Variants in PHLPP1 observed in about 807,000 individuals in gnomAD.
PHLPP1 encodes the protein PH domain and leucine rich repeat protein phosphatase 1, also known as PH domain leucine-rich repeat-containing protein phosphatase 1.
PHLPP1 carries 42 observed loss-of-function variants against 117.2 expected under a neutral mutation model. The observed-to-expected ratio is 0.36, with a 90% CI of 0.28 to 0.46. The LOEUF (loss-of-function observed/expected upper bound fraction) is 0.46. Among genes scored for constraint, PHLPP1 ranks in the 20% least tolerant of loss-of-function variants. The pLI, the probability that PHLPP1 is intolerant of heterozygous loss-of-function variation, is 1.00. For synonymous variants in PHLPP1, 1,042 were observed against 970.7 expected (o/e 1.07, Z -1.37); for missense variants, 2,084 against 2,241.9 (o/e 0.93, Z 1.42).
intron 6 of PHLPP1, among the ~76,000 whole-genome samples, chr18:62,901,769 G>A (rs761397567): frequency 7.3e-5 from 11 of 151,722 alleles, no homozygotes; most frequent in African/African-American, 1.5e-4. Flanking sequence ...GATTACAGGC[G>A]TGTGCCACCA....
At chr18:62,753,015 CT>C (rs1911906942) in intron 1 of PHLPP1, among the ~76,000 whole-genome samples, 1 of 152,132 alleles carries the variant, frequency 6.6e-6, no homozygotes, top group African/African-American at 2.4e-5. Flanking sequence ...AGAAAAATAG[CT>C]GTTTAAGGGT....
chr18:62,904,055 A>G (rs901075220), intron 7 of PHLPP1, among the ~76,000 whole-genome samples: 1 of 152,240 alleles, frequency 6.6e-6, no homozygotes, highest in African/African-American at 2.4e-5. Flanking sequence ...AGTGCAGCTC[A>G]TGAGCTCTGA....
At position 62,818,910 on chromosome 18, in the gene PHLPP1, A is replaced by G. The variant is rs543781742; in HGVS notation, c.1577-11125A>G. Among the ~76,000 whole-genome samples, 49 of 152,360 alleles carry G rather than the reference A, an allele frequency of 3.2e-4. No individual in the cohort carries two copies. The South Asian group carries it at 7.2e-3, about 23-fold the overall frequency. On this transcript the variant is annotated intron_variant, in intron 1 of 16. Coordinates refer to ENST00000262719, the MANE Select transcript of PHLPP1 (RefSeq NM_194449.4). ...AATACAGCCACAGTGGTGGTTTTCA[A>G]GCTACCAACATGATGTCACTAAATG... is the stretch of plus-strand genomic sequence containing the variant.
chr18:62,881,279 A>G (rs994613620), intron 4 of PHLPP1, among the ~76,000 whole-genome samples: 5 of 152,148 alleles, frequency 3.3e-5, no homozygotes, highest in Non-Finnish European at 7.3e-5. Context: ...TTTTAATTAA[A>G]GAATTTTTCT....
intron 7 of PHLPP1, 109 bp downstream of exon 7, chr18:62,903,275 T>G: frequency 4.0e-6 from 3 of 751,532 alleles, no homozygotes; most frequent in Non-Finnish European, 6.4e-6. Context: ...GTAAAATAGC[T>G]CAAATTTTGC....
intron 8 of PHLPP1, among the ~76,000 whole-genome samples, chr18:62,913,050 A>G (rs973260109): frequency 1.3e-5 from 2 of 152,158 alleles, no homozygotes; most frequent in Non-Finnish European, 1.5e-5. Context: ...TTGTCTCTGA[A>G]TTCTGCCTCT....
Position 62,715,767 on chromosome 18 carries a change from T to TGCGGCAGCA in PHLPP1, c.87_95dup (p.Ala38_Ala40dup), listed in dbSNP as rs1391076049. On this transcript the variant is annotated inframe_insertion, in exon 1 of 17. Transcript: ENST00000262719. ...GAGCTTCGGCTCCGGCGGCCGCCGC[T>TGCGGCAGCA]GCGGCAGCAGCAGCAGCAGCGGCGG... 1.4e-6 allele frequency: 1 copy of TGCGGCAGCA among 703,590 alleles called. No individual in the cohort carries two copies. The highest frequency in any genetic ancestry group is 1.8e-6 in the Non-Finnish European group (1 of 568,588). The allele number at this position is 703,590 out of a possible 1,614,324, so 43.6% of individuals were successfully genotyped here. A position where few individuals can be genotyped will look rare whatever the true frequency, so the allele number is the denominator to read the frequency against.
chr18:62,780,395 G>A (rs528360014), intron 1 of PHLPP1, among the ~76,000 whole-genome samples: 3 of 152,246 alleles, frequency 2.0e-5, no homozygotes, highest in South Asian at 4.1e-4. Context: ...ACAGTTTGAA[G>A]GTTCTCAACC....
intron 13 of PHLPP1, among the ~76,000 whole-genome samples, chr18:62,959,720 G>A (rs1041663802): frequency 6.6e-6 from 1 of 152,138 alleles, no homozygotes; most frequent in Non-Finnish European, 1.5e-5. Context: ...TAGAATTTTG[G>A]TGACTGGTCC....
chr18:62,770,151 C>T lies in PHLPP1; in HGVS notation c.1576+52892C>T, dbSNP rs182551843. Among the ~76,000 whole-genome samples, 1,110 of 152,192 alleles carry T rather than the reference C, an allele frequency of 7.3e-3. 10 individuals carry two copies. Among genetic ancestry groups the T allele is most frequent in the Non-Finnish European group, 0.012 (822 of 68,004 alleles). ...TTGAGATGGAGCTTCACTTTTGTCA[C>T]CCAGGCTGGAGTGCACTGGCATGAT... is the stretch of plus-strand genomic sequence containing the variant. On this transcript the variant is annotated intron_variant, in intron 1 of 16. Coordinates refer to ENST00000262719, the MANE Select transcript of PHLPP1 (RefSeq NM_194449.4).
intron 2 of PHLPP1, among the ~76,000 whole-genome samples, chr18:62,835,309 T>C (rs951180483): frequency 2.6e-5 from 4 of 151,904 alleles, no homozygotes; most frequent in Non-Finnish European, 5.9e-5. Context: ...GTTCAAGCCA[T>C]TCTCCTGCCT....
intron 12 of PHLPP1, among the ~76,000 whole-genome samples, chr18:62,947,122 T>C (rs993164714): frequency 2.6e-5 from 4 of 152,234 alleles, no homozygotes; most frequent in African/African-American, 7.2e-5. Flanking sequence ...AACTTTCACA[T>C]TGAGGAAGAG....
At chr18:62,970,715 A>G (rs1230085306) in intron 14 of PHLPP1, among the ~76,000 whole-genome samples, 1 of 152,192 alleles carries the variant, frequency 6.6e-6, no homozygotes, top group Non-Finnish European at 1.5e-5. Context: ...CAGTGAACCA[A>G]GATCACACCA....
At position 62,820,654 on chromosome 18, in the gene PHLPP1, C is replaced by G. The variant is rs532303897; in HGVS notation, c.1577-9381C>G. Among the ~76,000 whole-genome samples the G allele has an allele frequency of 5.3e-5, 8 of 152,288 alleles. No individual in the cohort carries two copies. The South Asian group carries it at 1.7e-3, about 32-fold the overall frequency. Reference sequence around the variant, plus strand: ...CTTGTGAAGAAGGTGCTTTGCTTCCCCTTCTACCATGATTGTGAGTTTCCT... The same window carrying G: ...CTTGTGAAGAAGGTGCTTTGCTTCCGCTTCTACCATGATTGTGAGTTTCCT... On this transcript the variant is annotated intron_variant, in intron 1 of 16. Coordinates refer to ENST00000262719, the MANE Select transcript of PHLPP1 (RefSeq NM_194449.4).
intron 14 of PHLPP1, among the ~76,000 whole-genome samples, chr18:62,964,993 C>T (rs1910862823): frequency 6.6e-6 from 1 of 152,148 alleles, no homozygotes; most frequent in Admixed American, 6.5e-5. Flanking sequence ...CCTTTGAATT[C>T]TTGCAAAGTG....
At chr18:62,863,185 T>A (rs1915675117) in intron 4 of PHLPP1, among the ~76,000 whole-genome samples, 2 of 151,778 alleles carry the variant, frequency 1.3e-5, no homozygotes, top group South Asian at 2.1e-4. Context: ...CTCTCTCTTT[T>A]CTCTCTCTCT....
intron 1 of PHLPP1, among the ~76,000 whole-genome samples, chr18:62,829,117 C>T (rs1445379528): frequency 6.6e-6 from 1 of 152,164 alleles, no homozygotes; most frequent in African/African-American, 2.4e-5. Context: ...GCTTATTTCT[C>T]TGTCTCTGTG....
In PHLPP1 at chr18:62,716,250, G is replaced by A. The variant is rs1213803731; in HGVS notation, c.567G>A (p.Pro189=). 5 of 1,529,944 alleles carry A rather than the reference G, an allele frequency of 3.3e-6. No individual in the cohort carries two copies. Among genetic ancestry groups the A allele is most frequent in the Non-Finnish European group, 2.6e-6 (3 of 1,144,634 alleles). The allele number at this position is 1,529,944 out of a possible 1,614,324, so 94.8% of individuals were successfully genotyped here. ...ACCGGCAGACGCTGCAGCTGCAGCC[G>A]TCGGACCGGGACTGGGTGAGGCACC... ...LKHRQTLQLQ[P]SDRDWVRHQL... The change falls in exon 1 of 17, where the codon CCG becomes CCA. Residue 189 remains proline (P), a synonymous_variant. Coordinates refer to ENST00000262719, the MANE Select transcript of PHLPP1 (RefSeq NM_194449.4). The surrounding 1 kb of genome is among the most constrained non-coding windows in gnomAD (Gnocchi z 5.7).
intron 9 of PHLPP1, among the ~76,000 whole-genome samples, 157 bp downstream of exon 9, chr18:62,915,165 C>T (rs1404150827): frequency 6.6e-6 from 1 of 152,216 alleles, no homozygotes; most frequent in Non-Finnish European, 1.5e-5. Flanking sequence ...AAGTTACACA[C>T]TTGCTTCATG....
Sources: gnomAD v4.1 joint callset for allele counts (sites outside exome capture counted in the v4.1 genomes callset) on GRCh38, gnomAD v4.1.1 for gene constraint, Gnocchi (gnomAD v3.1) non-coding constraint, MANE v1.5 for transcripts, NCBI Gene and HGNC (gene_info 2026-07-23, HGNC 2026-07-21) for gene names.